NIPBL: variants seen among roughly 807,000 people sequenced by gnomAD.
The protein encoded by NIPBL is nipped-B-like protein.
A neutral mutation model predicts 321.8 loss-of-function variants in NIPBL; 19 were observed. That is an observed-to-expected ratio of 0.06 (90% CI 0.04 to 0.09). The LOEUF (loss-of-function observed/expected upper bound fraction) is 0.09. Among genes scored for constraint, NIPBL ranks in the 10% least tolerant of loss-of-function variants. The probability of loss-of-function intolerance (pLI) is 1.00; values close to 1 mark genes in which losing one functional copy is unlikely to be tolerated. For missense variants in NIPBL, 2,210 were observed against 3,327.0 expected (o/e 0.66, Z 8.26); for synonymous variants, 1,106 against 1,114.1 (o/e 0.99, Z 0.14).
intron 10 of NIPBL, among the ~76,000 whole-genome samples, chr5:36,994,086 A>C (rs774005822): frequency 6.6e-6 from 1 of 152,178 alleles, no homozygotes; most frequent in African/African-American, 2.4e-5. Context: ...TGCAAAGCTA[A>C]AGTTGACTTC....
rs986481957 is a variant in NIPBL, at chr5:37,065,902, AT to A, written c.*1013del. ...AAACCTCGGGTAAAGGTAACCTGTT[AT>A]TTGGAAAACCAGCATTTCTCTTGGT... On this transcript the variant is annotated 3_prime_UTR_variant, in exon 47 of 47. Coordinates refer to ENST00000282516, the MANE Select transcript of NIPBL (RefSeq NM_133433.4). 9 of 152,658 alleles carry A rather than the reference AT, an allele frequency of 5.9e-5. No individual in the cohort carries two copies. The highest frequency in any genetic ancestry group is 2.2e-4 in the African/African-American group (9 of 41,578). The allele number at this position is 152,658 out of a possible 1,614,324, so 9.5% of individuals were successfully genotyped here.
Position 36,908,067 on chromosome 5 carries a change from T to C in NIPBL, c.-80+30889T>C, listed in dbSNP as rs542004741. On this transcript the variant is annotated intron_variant, in intron 1 of 46. Transcript: ENST00000282516. ...TATTTGTTCATTTCTGGTAGTAGTA[T>C]GCATCCTTTTGAAAGGTAATGTGAT... Among the ~76,000 whole-genome samples the C allele has an allele frequency of 5.3e-5, 8 of 152,340 alleles. No individual in the cohort carries two copies. The South Asian group carries it at 6.2e-4, about 12-fold the overall frequency.
chr5:36,985,088 T>C lies in NIPBL; in HGVS notation c.1908T>C (p.Ser636=). The C allele has an allele frequency of 1.9e-6, 3 of 1,613,506 alleles. No individual in the cohort carries two copies. The highest frequency in any genetic ancestry group is 2.5e-6 in the Non-Finnish European group (3 of 1,179,854). Reference sequence around the variant, plus strand: ...ACCGATTGGTGGAGACAAAATCAAGTGAAAATAAGTTAGAAACTAAAGTTG... The same window carrying C: ...ACCGATTGGTGGAGACAAAATCAAGCGAAAATAAGTTAGAAACTAAAGTTG... ...NENRLVETKS[S]ENKLETKVET... Residue 636 remains serine, a synonymous_variant, in exon 10 of 47, where the codon AGT becomes AGC. Coordinates refer to ENST00000282516, the MANE Select transcript of NIPBL (RefSeq NM_133433.4).
At chr5:36,898,692 G>A (rs1384739503) in intron 1 of NIPBL, among the ~76,000 whole-genome samples, 1 of 151,952 alleles carries the variant, frequency 6.6e-6, no homozygotes, top group African/African-American at 2.4e-5. Context: ...TGTATTTTTA[G>A]CAGAGATGGG....
chr5:37,019,405 G>A lies in NIPBL; in HGVS notation c.5010+5G>A. 1 of 1,602,138 alleles carries A rather than the reference G, an allele frequency of 6.2e-7. No homozygotes were observed. The highest frequency in any genetic ancestry group is 8.6e-7 in the Non-Finnish European group (1 of 1,169,414). On this transcript the variant is annotated splice_donor_5th_base_variant and intron_variant, in intron 25 of 46. Transcript: ENST00000282516. Reference sequence around the variant, plus strand: ...GAGACTGATCCTTCACTAGTGGTAGGATTCTTTTCCCCTGTTTTGGAGATA... The same window carrying A: ...GAGACTGATCCTTCACTAGTGGTAGAATTCTTTTCCCCTGTTTTGGAGATA...
In NIPBL at chr5:36,938,453, A is replaced by G. The variant is rs566258002; in HGVS notation, c.-79-15165A>G. On this transcript the variant is annotated intron_variant, in intron 1 of 46. Coordinates refer to ENST00000282516, the MANE Select transcript of NIPBL (RefSeq NM_133433.4). ...GTAAGCAACTGGTGAATCTGGTTAAAGATTATGGTAGTTTCTTGACTAATT... is the reference window on the plus strand; with the variant it reads ...GTAAGCAACTGGTGAATCTGGTTAAGGATTATGGTAGTTTCTTGACTAATT... 6.6e-5 allele frequency among the ~76,000 whole-genome samples: 10 copies of G among 152,272 alleles called. No homozygotes were observed. In the South Asian group the frequency reaches 2.1e-3, roughly 32 times the overall value.
chr5:36,898,552 C>T (rs1488596783), intron 1 of NIPBL, among the ~76,000 whole-genome samples: 1 of 147,210 alleles, frequency 6.8e-6, no homozygotes, highest in African/African-American at 2.5e-5. Context: ...GCTGTCATTG[C>T]CCAGGCTGGA....
At chr5:36,952,324 C>G (rs1011586524) in intron 1 of NIPBL, among the ~76,000 whole-genome samples, 2 of 151,950 alleles carry the variant, frequency 1.3e-5, no homozygotes, top group Non-Finnish European at 2.9e-5. Context: ...GCAAATACAA[C>G]CTTAAAAAGA....
At chr5:36,918,559 A>G (rs182353516) in intron 1 of NIPBL, among the ~76,000 whole-genome samples, 13 of 152,198 alleles carry the variant, frequency 8.5e-5, no homozygotes, top group South Asian at 4.2e-4. Flanking sequence ...TTCCAACACT[A>G]TGTTGAATAG....
chr5:36,967,349 T>A (rs182026910), intron 6 of NIPBL, among the ~76,000 whole-genome samples: 1 of 152,230 alleles, frequency 6.6e-6, no homozygotes, highest in African/African-American at 2.4e-5. Context: ...ATCATATAAT[T>A]TAAAATTCAT....
chr5:36,933,775 A>G (rs1247251231), intron 1 of NIPBL, among the ~76,000 whole-genome samples: 1 of 152,012 alleles, frequency 6.6e-6, no homozygotes, highest in East Asian at 1.9e-4. Context: ...CAACTATACC[A>G]TATTTATATT....
intron 1 of NIPBL, among the ~76,000 whole-genome samples, chr5:36,951,945 C>T (rs1038072413): frequency 6.6e-6 from 1 of 151,220 alleles, no homozygotes; most frequent in African/African-American, 2.4e-5. Flanking sequence ...ATAGTTAATA[C>T]CCCTAGAAGG....
intron 22 of NIPBL, 119 bp downstream of exon 22, chr5:37,014,884 A>G: frequency 2.9e-6 from 2 of 690,044 alleles, no homozygotes; most frequent in Non-Finnish European, 5.2e-6. Context: ...CATCTTCCTG[A>G]CACTTGGTTT....
chr5:37,009,935 T>A (rs1392979282), intron 20 of NIPBL, 152 bp from the exon 21 acceptor site: 1 of 644,598 alleles, frequency 1.6e-6, no homozygotes, highest in African/African-American at 1.8e-5. Context: ...TTTGCTAACT[T>A]ACAACAAATA....
At position 37,057,182 on chromosome 5, in the gene NIPBL, A is replaced by T; in HGVS notation, c.7264-4A>T. ...ACATGTGTGCTTTTTCTTAAAATTT[A>T]CAGAAAACAGACGTGACTATGCTCT... On this transcript the variant is annotated splice_region_variant and splice_polypyrimidine_tract_variant and intron_variant, in intron 42 of 46. Transcript: ENST00000282516. 1 of 1,613,150 alleles carries T rather than the reference A, an allele frequency of 6.2e-7. No individual in the cohort carries two copies. The highest frequency in any genetic ancestry group is 8.5e-7 in the Non-Finnish European group (1 of 1,179,874).
chr5:36,952,069 C>T (rs1258839059), intron 1 of NIPBL, among the ~76,000 whole-genome samples: 13 of 122,226 alleles, frequency 1.1e-4, no homozygotes, highest in South Asian at 7.5e-4. Flanking sequence ...CGCGCGCGCG[C>T]GCGCATGTGT....
intron 32 of NIPBL, among the ~76,000 whole-genome samples, chr5:37,032,581 A>G (rs1751190081): frequency 6.6e-6 from 1 of 152,076 alleles, no homozygotes; most frequent in Admixed American, 6.6e-5. Context: ...ACCAACCTGG[A>G]CAATGTACTG....
chr5:36,946,175 A>G (rs572675850), intron 1 of NIPBL, among the ~76,000 whole-genome samples: 2 of 152,160 alleles, frequency 1.3e-5, no homozygotes, highest in African/African-American at 2.4e-5. Flanking sequence ...CTCTTTTACT[A>G]AAGCTTTCAA....
At chr5:37,019,181 C>T in intron 24 of NIPBL, 130 bp from the exon 25 acceptor site, 4 of 679,076 alleles carry the variant, frequency 5.9e-6, no homozygotes, top group Admixed American at 2.5e-5. Context: ...TCTGTTTTTT[C>T]CTTTTAGTTA....
Sources: allele counts gnomAD v4.1 joint callset (sites outside exome capture counted in the v4.1 genomes callset), GRCh38; gene constraint gnomAD v4.1.1; transcripts MANE v1.5; gene names NCBI Gene and HGNC (gene_info 2026-07-23, HGNC 2026-07-21).